DPP10: variants seen among roughly 807,000 people sequenced by gnomAD.
DPP10 encodes the protein inactive dipeptidyl peptidase 10.
DPP10 carries 33 observed loss-of-function variants against 120.9 expected under a neutral mutation model. That is an observed-to-expected ratio of 0.27 (90% confidence interval 0.21 to 0.37). The LOEUF (loss-of-function observed/expected upper bound fraction) is 0.37. DPP10 is among the 10% of genes least tolerant of loss of function. DPP10 has a pLI of 1.00. For missense variants in DPP10, 816 were observed against 942.8 expected, an observed-to-expected ratio of 0.87 and a Z score of 1.76; for synonymous variants, 337 against 326.1, an observed-to-expected ratio of 1.03 and a Z score of -0.36.
intron 1 of DPP10, among the ~76,000 whole-genome samples, chr2:114,670,076 T>C (rs1038756418): frequency 1.3e-4 from 20 of 152,292 alleles, no homozygotes; most frequent in African/African-American, 4.8e-4. Context: ...TTGGTGGGAC[T>C]GTAAACTAGT....
intron 17 of DPP10, among the ~76,000 whole-genome samples, chr2:115,786,349 C>T (rs1683342770): frequency 6.6e-6 from 1 of 152,078 alleles, no homozygotes. Flanking sequence ...CTATATGAGG[C>T]CAGAGGGGCA....
At chr2:115,475,482 T>G (rs1366308501) in intron 3 of DPP10, among the ~76,000 whole-genome samples, 1 of 152,322 alleles carries the variant, frequency 6.6e-6, no homozygotes, top group East Asian at 1.9e-4. Context: ...GGCAGAGCCC[T>G]CATGGAGAAC....
At chr2:115,687,511 A>ATAGATAGATAGG (rs1553480043) in intron 5 of DPP10, among the ~76,000 whole-genome samples, 71 of 152,044 alleles carry the variant, frequency 4.7e-4, no homozygotes, top group African/African-American at 1.7e-3. Context: ...AGATAGATAG[A>ATAGATAGATAGG]TAGATAGATA....
chr2:115,201,876 A>G (rs920247217), intron 1 of DPP10, among the ~76,000 whole-genome samples: 1 of 152,174 alleles, frequency 6.6e-6, no homozygotes, highest in African/African-American at 2.4e-5. Flanking sequence ...CCTTATTTGA[A>G]GAAGGAAAAC....
chr2:114,981,772 T>C (rs2104860062), intron 1 of DPP10, among the ~76,000 whole-genome samples: 1 of 140,444 alleles, frequency 7.1e-6, no homozygotes, highest in Admixed American at 7.0e-5. Context: ...TTTTGTTTTT[T>C]GTTTTTGTTT....
intron 16 of DPP10, among the ~76,000 whole-genome samples, 199 bp from the exon 17 acceptor site, chr2:115,782,153 G>C (rs10188398): frequency 1.9e-3 from 290 of 152,048 alleles, no homozygotes; most frequent in African/African-American, 6.7e-3. Flanking sequence ...TCTGCAAATA[G>C]TTTCCTTCTC....
intron 1 of DPP10, among the ~76,000 whole-genome samples, chr2:114,850,055 T>TC (rs2106482619): frequency 6.7e-6 from 1 of 150,372 alleles, no homozygotes; most frequent in African/African-American, 2.4e-5. Context: ...TCTCTTTCTT[T>TC]TTTTTTTTCT....
At chr2:115,059,517 A>C (rs948585786) in intron 1 of DPP10, among the ~76,000 whole-genome samples, 1 of 152,114 alleles carries the variant, frequency 6.6e-6, no homozygotes, top group African/African-American at 2.4e-5. Context: ...GCTGTTCTGA[A>C]CAATCAGATC....
chr2:115,535,722 A>T (rs899358849), intron 5 of DPP10, among the ~76,000 whole-genome samples: 1 of 151,134 alleles, frequency 6.6e-6, no homozygotes, highest in African/African-American at 2.4e-5. Flanking sequence ...CATTTTCACG[A>T]TATTGATTCT....
intron 3 of DPP10, among the ~76,000 whole-genome samples, chr2:115,471,045 T>G (rs1436259727): frequency 6.6e-6 from 1 of 152,192 alleles, no homozygotes; most frequent in Non-Finnish European, 1.5e-5. Context: ...GAGTTTTTTT[T>G]GTCTATCCAT....
intron 3 of DPP10, among the ~76,000 whole-genome samples, chr2:115,454,303 A>AC (rs1252847494): frequency 1.3e-5 from 2 of 151,638 alleles, no homozygotes; most frequent in African/African-American, 2.4e-5. Context: ...ACAGACTAAT[A>AC]TTTTTCATAA....
At chr2:115,085,006 A>G (rs537485730) in intron 1 of DPP10, among the ~76,000 whole-genome samples, 55 of 152,318 alleles carry the variant, frequency 3.6e-4, no homozygotes, top group East Asian at 1.7e-3. Context: ...TTGGTGCAAC[A>G]TTTAAGTCTG....
intron 1 of DPP10, among the ~76,000 whole-genome samples, chr2:114,969,252 TA>T (rs1039197901): frequency 4.6e-5 from 7 of 152,164 alleles, no homozygotes; most frequent in African/African-American, 1.7e-4. Flanking sequence ...TGACGTGGTA[TA>T]AAAAACAGAA....
intron 5 of DPP10, among the ~76,000 whole-genome samples, chr2:115,643,726 T>A (rs1196726484): frequency 6.6e-6 from 1 of 152,228 alleles, no homozygotes; most frequent in African/African-American, 2.4e-5. Flanking sequence ...TTTTGGTCTG[T>A]TCCCATGAAA....
chr2:115,763,290 T>C (rs918340849), intron 12 of DPP10, among the ~76,000 whole-genome samples: 4 of 152,172 alleles, frequency 2.6e-5, no homozygotes, highest in African/African-American at 9.6e-5. Flanking sequence ...ATGGCGTTAA[T>C]GACCACCCAT....
intron 21 of DPP10, among the ~76,000 whole-genome samples, chr2:115,832,480 C>A (rs1003883381): frequency 6.6e-6 from 1 of 152,072 alleles, no homozygotes; most frequent in Non-Finnish European, 1.5e-5. Flanking sequence ...CAGAGTGAGA[C>A]CATGTCTAAA....
chr2:114,814,699 AG>A (rs1425051108), intron 1 of DPP10, among the ~76,000 whole-genome samples: 24 of 152,114 alleles, frequency 1.6e-4, no homozygotes, highest in African/African-American at 5.6e-4. Flanking sequence ...AGAAAAAAAA[AG>A]CTGACTCCAT....
intron 1 of DPP10, among the ~76,000 whole-genome samples, chr2:115,249,414 C>A (rs1353498765): frequency 6.6e-6 from 1 of 152,078 alleles, no homozygotes; most frequent in East Asian, 1.9e-4. Context: ...ACATAAATCA[C>A]GTGGTAGAAG....
intron 1 of DPP10, among the ~76,000 whole-genome samples, chr2:115,058,258 C>A (rs1706094615): frequency 1.8e-5 from 2 of 114,180 alleles, no homozygotes; most frequent in Non-Finnish European, 3.3e-5. Flanking sequence ...GCAAGGCTAG[C>A]TTTTAATCAT....
Sources: allele counts gnomAD v4.1 joint callset (sites outside exome capture counted in the v4.1 genomes callset), GRCh38; gene constraint gnomAD v4.1.1; transcripts MANE v1.5; gene names NCBI Gene and HGNC (gene_info 2026-07-23, HGNC 2026-07-21).